The following SUSD4 variants were observed in gnomAD, a reference collection of about 807,000 sequenced individuals.
The protein encoded by SUSD4 is sushi domain containing 4, also known as sushi domain-containing protein 4.
A neutral mutation model predicts 50.5 loss-of-function variants in SUSD4; 41 were observed. The observed-to-expected ratio is 0.81, with a 90% confidence interval of 0.63 to 1.05. The LOEUF is 1.05. SUSD4 is among the 50% of genes least tolerant of loss of function. The pLI is 0.00. For missense variants in SUSD4, 580 were observed against 634.7 expected (o/e 0.91, Z 0.93); for synonymous variants, 257 against 257.3 (o/e 1.00, Z 0.01).
At chr1:223,362,991 C>T (rs1443874789) in intron 2 of SUSD4, among the ~76,000 whole-genome samples, 2 of 126,628 alleles carry the variant, frequency 1.6e-5, no homozygotes, top group East Asian at 5.6e-4. Context: ...AATAATGGGC[C>T]AGGCTTTATT....
intron 2 of SUSD4, chr1:223,359,095 G>C (rs1412132522): frequency 2.1e-6 from 1 of 471,070 alleles, no homozygotes; most frequent in Admixed American, 2.3e-5. Context: ...AGGGCCGCTG[G>C]ACCAGGGGTT....
chr1:223,306,221 A>T (rs1229116388), intron 2 of SUSD4, among the ~76,000 whole-genome samples: 1 of 152,212 alleles, frequency 6.6e-6, no homozygotes, highest in Non-Finnish European at 1.5e-5. Flanking sequence ...AACTGATAAC[A>T]ATGCTAACTC....
intron 2 of SUSD4, among the ~76,000 whole-genome samples, chr1:223,356,153 CAATT>C (rs1225651636): frequency 6.7e-6 from 1 of 148,236 alleles, no homozygotes; most frequent in Non-Finnish European, 1.5e-5. Context: ...TTGAGCAACT[CAATT>C]ATTTCTATTT....
chr1:223,329,639 T>C (rs1434824936), intron 2 of SUSD4, among the ~76,000 whole-genome samples: 1 of 152,224 alleles, frequency 6.6e-6, no homozygotes, highest in African/African-American at 2.4e-5. Context: ...GGCATGGAGC[T>C]CAGTGAAAGA....
chr1:223,255,761 C>T lies in SUSD4; in HGVS notation c.724+8869G>A, dbSNP rs574877319. Among the ~76,000 whole-genome samples, 17 of 152,170 alleles carry T rather than the reference C, an allele frequency of 1.1e-4. No homozygotes were observed. The East Asian group carries it at 1.9e-3, about 17-fold the overall frequency. On this transcript the variant is annotated intron_variant, in intron 5 of 8. Transcript: ENST00000366878. ...CCCCTGCTATATCAAGTAAAAAAGG[C>T]ATTTGCTGCCCTTTTCTTCCTTTTC...
intron 3 of SUSD4, among the ~76,000 whole-genome samples, chr1:223,279,234 C>A (rs555524912): frequency 6.6e-6 from 1 of 152,156 alleles, no homozygotes; most frequent in Non-Finnish European, 1.5e-5. Context: ...ATGACTTTGA[C>A]GAGTTGAGAG....
At chr1:223,289,079 G>A in intron 3 of SUSD4, 1 of 985,198 alleles carries the variant, frequency 1.0e-6, no homozygotes, top group Non-Finnish European at 1.2e-6. Flanking sequence ...AAAGGAAGCG[G>A]CCAGATGGTG....
At position 223,265,318 on chromosome 1, in the gene SUSD4, A is replaced by T. The variant is rs76072421; in HGVS notation, c.536-500T>A. 5.3e-3 allele frequency among the ~76,000 whole-genome samples: 814 copies of T among 152,352 alleles called. 42 individuals are homozygous for T. The East Asian group carries it at 0.11, about 21-fold the overall frequency. On this transcript the variant is annotated intron_variant, in intron 4 of 8. Transcript: ENST00000366878. ...ATTCCACTATAGTGGATTTGGGGAC[A>T]GAAATCTGCCTGAGATGGTGGCCTT...
chr1:223,361,493 G>A (rs1275313710), intron 2 of SUSD4, among the ~76,000 whole-genome samples: 1 of 152,052 alleles, frequency 6.6e-6, no homozygotes, highest in Non-Finnish European at 1.5e-5. Context: ...TCCCCCACAG[G>A]AAGGCAGGGA....
rs1054621716 is a variant in SUSD4, at chr1:223,332,590, TA to T, written c.148+30687del. On this transcript the variant is annotated intron_variant, in intron 2 of 8. Coordinates refer to ENST00000366878, the MANE Select transcript of SUSD4 (RefSeq NM_017982.4). The surrounding 1 kb of genome is among the most constrained non-coding windows in gnomAD (Gnocchi z 4.0). ...AATGCTGTAATTTGGATTCAAGACG[TA>T]AAAAATACATCTCAGGCACTGAAAC... 6.6e-6 allele frequency among the ~76,000 whole-genome samples: 1 copy of T among 152,156 alleles called. No individual in the cohort carries two copies. Among genetic ancestry groups the T allele is most frequent in the Non-Finnish European group, 1.5e-5 (1 of 68,032 alleles).
At chr1:223,364,735 C>G (rs1225255147), upstream of SUSD4, among the ~76,000 whole-genome samples, 1 of 151,572 alleles carries the variant, frequency 6.6e-6, no homozygotes, top group African/African-American at 2.4e-5. This position sits in a 1 kb window ranked among gnomAD's most constrained non-coding sequence, Gnocchi z 4.5. Flanking sequence ...GCTGCAGACC[C>G]GGGGCGAGTG....
chr1:223,335,394 C>T (rs1302225285), intron 2 of SUSD4, among the ~76,000 whole-genome samples: 1 of 152,108 alleles, frequency 6.6e-6, no homozygotes, highest in Admixed American at 6.5e-5. Flanking sequence ...CTATGCTTTG[C>T]CAAGTTATCA....
intron 5 of SUSD4, among the ~76,000 whole-genome samples, chr1:223,247,534 G>A (rs1661023643): frequency 6.6e-6 from 1 of 152,210 alleles, no homozygotes; most frequent in Non-Finnish European, 1.5e-5. Flanking sequence ...TACAGCAGCG[G>A]TCTACCATAT....
At chr1:223,353,903 T>C (rs556774277) in intron 2 of SUSD4, among the ~76,000 whole-genome samples, 6 of 152,032 alleles carry the variant, frequency 3.9e-5, no homozygotes, top group African/African-American at 1.4e-4. Context: ...TGTCCTCCCA[T>C]TGAAGGTTAG....
In SUSD4 at chr1:223,231,125, C is replaced by T. The variant is rs989435792; in HGVS notation, c.725-1737G>A. Among the ~76,000 whole-genome samples the T allele has an allele frequency of 5.3e-5, 8 of 151,952 alleles. No individual in the cohort carries two copies. Among genetic ancestry groups the T allele is most frequent in the South Asian group, 2.1e-4 (1 of 4,816 alleles). ...AAGGTGGAACCATGGAGGTCTATCCCGCGGGAACTGGAGCCCGGGGAAACT... is the reference window on the plus strand; with the variant it reads ...AAGGTGGAACCATGGAGGTCTATCCTGCGGGAACTGGAGCCCGGGGAAACT... On this transcript the variant is annotated intron_variant, in intron 5 of 8. Coordinates refer to ENST00000366878, the MANE Select transcript of SUSD4 (RefSeq NM_017982.4). This position sits in a 1 kb window ranked among gnomAD's most constrained non-coding sequence, Gnocchi z 4.2.
intron 2 of SUSD4, among the ~76,000 whole-genome samples, chr1:223,359,554 T>C (rs1668852631): frequency 6.6e-6 from 1 of 152,240 alleles, no homozygotes; most frequent in Non-Finnish European, 1.5e-5. Flanking sequence ...AACTCACTCA[T>C]AGCAATTATT....
At chr1:223,314,181 C>T (rs1286962347) in intron 2 of SUSD4, among the ~76,000 whole-genome samples, 1 of 152,128 alleles carries the variant, frequency 6.6e-6, no homozygotes. Context: ...TTTACCATCA[C>T]GTAGTTCTGT....
chr1:223,264,692 T>C lies in SUSD4; in HGVS notation c.662A>G (p.Tyr221Cys), dbSNP rs1190649593. The C allele has an allele frequency of 3.7e-6, 6 of 1,614,194 alleles. No homozygotes were observed. In the Admixed American group the frequency reaches 1.0e-4, roughly 27 times the overall value. The change falls in exon 5 of 9, where the codon TAT becomes TGT. Residue 221 changes from tyrosine (Y) to cysteine (C), a missense_variant. Transcript: ENST00000366878. ...GATAAGGTTTTGTAAGCACTCAAGA[T>C]ACGCAGACCCATCAAGTTTAAATCC... is the stretch of plus-strand genomic sequence containing the variant. ...FPGFKLDGSA[Y>C]LECLQNLIWS...
At chr1:223,248,814 C>A (rs900377008) in intron 5 of SUSD4, among the ~76,000 whole-genome samples, 1 of 151,614 alleles carries the variant, frequency 6.6e-6, no homozygotes, top group African/African-American at 2.4e-5. Context: ...TGAAGGAATA[C>A]AAAATGCATG....
Sources: gnomAD v4.1 joint callset for allele counts (sites outside exome capture counted in the v4.1 genomes callset) on GRCh38, gnomAD v4.1.1 for gene constraint, Gnocchi (gnomAD v3.1) non-coding constraint, MANE v1.5 for transcripts, NCBI Gene and HGNC (gene_info 2026-07-23, HGNC 2026-07-21) for gene names.